The following KDM6A variants were observed in gnomAD, a reference collection of about 807,000 sequenced individuals.
KDM6A encodes the protein lysine-specific demethylase 6A.
Under a neutral mutation model 117.6 loss-of-function variants are expected in KDM6A, and 11 were observed. The ratio of observed to expected loss-of-function variants is 0.09; its 90% CI spans 0.06 to 0.15. The LOEUF is 0.15. KDM6A is among the 10% of genes least tolerant of loss of function. The pLI is 1.00. For synonymous variants in KDM6A, 384 were observed against 396.1 expected (o/e 0.97, Z 0.36); for missense variants, 799 against 1,077.3 (o/e 0.74, Z 3.62).
intron 3 of KDM6A, among the ~76,000 whole-genome samples, chrX:44,968,062 G>A (rs1287555684): frequency 8.9e-6 from 1 of 112,378 alleles, no homozygotes; most frequent in African/African-American, 3.2e-5. Context: ...TTTGGAAGGT[G>A]GAGGGTAGAA....
intron 2 of KDM6A, among the ~76,000 whole-genome samples, chrX:44,955,347 A>T (rs1294780931): frequency 1.8e-5 from 2 of 110,972 alleles, no homozygotes; most frequent in Non-Finnish European, 3.8e-5. Context: ...TATACAGGAG[A>T]ATAAAGGAGA....
chrX:44,910,744 A>C (rs925243807), intron 2 of KDM6A, among the ~76,000 whole-genome samples: 3 of 110,447 alleles, frequency 2.7e-5, no homozygotes, highest in African/African-American at 9.9e-5. Flanking sequence ...AACAAAGCAC[A>C]TCTTGCACCG....
At chrX:44,963,495 CTGTCTCTG>C (rs1311734160) in intron 3 of KDM6A, among the ~76,000 whole-genome samples, 3 of 38,396 alleles carry the variant, frequency 7.8e-5, no homozygotes, top group Admixed American at 7.6e-4. Context: ...GTCTGTCTGT[CTGTCTCTG>C]TCTGTCTGTC....
chrX:45,061,650 C>G (rs1055351488), intron 15 of KDM6A, among the ~76,000 whole-genome samples: 15 of 108,333 alleles, frequency 1.4e-4, no homozygotes, highest in African/African-American at 4.4e-4. Flanking sequence ...CACCATCACA[C>G]CCCGCTAATT....
rs766099272 is a variant in KDM6A at position 44,881,845 on chromosome X, G to A, written c.225+7858G>A. ...TGACATTACAGGTGTGCACCACCAC[G>A]CCTAGCTAATTTTTGTATTATTAGT... On this transcript the variant is annotated intron_variant, in intron 2 of 29. Transcript: ENST00000611820. Among the ~76,000 whole-genome samples, 11 of 109,950 alleles carry A rather than the reference G, an allele frequency of 1.0e-4. No homozygotes were observed. In the South Asian group the frequency reaches 4.3e-3, roughly 43 times the overall value.
Position 44,882,705 on chromosome X carries a change from G to C in KDM6A, c.225+8718G>C, listed in dbSNP as rs1240948433. Among the ~76,000 whole-genome samples the C allele has an allele frequency of 4.5e-5, 5 of 111,736 alleles. No homozygotes were observed. In the East Asian group the frequency reaches 1.1e-3, roughly 25 times the overall value. Reference sequence around the variant, plus strand: ...ATACAGTAGTTAAATAAATATTTTAGGTTTCTGAATTTCAAATATCAGAAT... The same window carrying C: ...ATACAGTAGTTAAATAAATATTTTACGTTTCTGAATTTCAAATATCAGAAT... On this transcript the variant is annotated intron_variant, in intron 2 of 29. Transcript: ENST00000611820.
intron 21 of KDM6A, among the ~76,000 whole-genome samples, chrX:45,081,647 C>G (rs1018500528): frequency 8.9e-6 from 1 of 112,010 alleles, no homozygotes; most frequent in African/African-American, 3.2e-5. Flanking sequence ...CTAGGCCTTT[C>G]AGCTTTCCTC....
intron 2 of KDM6A, among the ~76,000 whole-genome samples, chrX:44,913,424 G>A (rs767266762): frequency 3.8e-5 from 4 of 105,991 alleles, no homozygotes; most frequent in East Asian, 3.0e-4. Context: ...TCAGCCTCCC[G>A]AGTAAATGAG....
At chrX:45,008,419 A>G (rs2041607305) in intron 4 of KDM6A, among the ~76,000 whole-genome samples, 1 of 111,575 alleles carries the variant, frequency 9.0e-6, no homozygotes, top group Non-Finnish European at 1.9e-5. Context: ...TCATATTTCT[A>G]TAGTACGCTC....
At chrX:45,054,847 C>G (rs1022804997) in intron 10 of KDM6A, among the ~76,000 whole-genome samples, 12 of 111,656 alleles carry the variant, frequency 1.1e-4, no homozygotes, top group African/African-American at 3.3e-4. Flanking sequence ...CAGGGGCAGG[C>G]TATTTTGCCA....
Position 45,112,576 on chromosome X carries a change from C to G in KDM6A, c.*1165C>G, listed in dbSNP as rs1435654680. The G allele has an allele frequency of 7.6e-6, 1 of 131,994 alleles. No individual in the cohort carries two copies. The highest frequency in any genetic ancestry group is 3.2e-5 in the African/African-American group (1 of 31,313). The allele number at this position is 131,994 out of a possible 1,213,427, so 10.9% of individuals were successfully genotyped here. The stretch of plus-strand genomic sequence containing the variant: ...TGTTAAGTTGCAATTACTGCAATGA[C>G]AGACCAATAAACAATTGCTGCCAAA... On this transcript the variant is annotated 3_prime_UTR_variant, in exon 30 of 30. Transcript: ENST00000611820.
In KDM6A at chrX:45,069,905, T is replaced by C. The variant is rs1442852237; in HGVS notation, c.2406T>C (p.His802=). The C allele has an allele frequency of 1.7e-6, 2 of 1,211,169 alleles. No individual in the cohort carries two copies. Among genetic ancestry groups the C allele is most frequent in the Middle Eastern group, 2.3e-4 (1 of 4,347 alleles). The change falls in exon 18 of 30, where the codon CAT becomes CAC. Residue 802 remains histidine, a synonymous_variant. Transcript: ENST00000611820. ...CCAGTGTCGAGGGACTTCCTAATCA[T>C]GTCCATCAGATGACGGCAGATGCTG... is the stretch of plus-strand genomic sequence containing the variant. ...STASVEGLPN[H]VHQMTADAVC...
chrX:45,078,606 T>C, intron 20 of KDM6A, 101 bp downstream of exon 20: 1 of 647,185 alleles, frequency 1.5e-6, no homozygotes, highest in Non-Finnish European at 2.3e-6. Flanking sequence ...TCTTTTTTCT[T>C]TTTTTTTCTT....
At chrX:44,956,072 T>C (rs1193401631) in intron 2 of KDM6A, among the ~76,000 whole-genome samples, 1 of 111,959 alleles carries the variant, frequency 8.9e-6, no homozygotes, top group Non-Finnish European at 1.9e-5. Context: ...ATTGGCACTA[T>C]CCAAAGTGCA....
chrX:45,008,201 C>T (rs183362128), intron 4 of KDM6A, among the ~76,000 whole-genome samples: 2 of 109,837 alleles, frequency 1.8e-5, no homozygotes, highest in South Asian at 4.0e-4. Context: ...CAGAAATGCC[C>T]GTCTCTACTA....
intron 18 of KDM6A, among the ~76,000 whole-genome samples, chrX:45,074,167 C>G (rs1033546226): frequency 3.6e-5 from 4 of 111,589 alleles, no homozygotes; most frequent in African/African-American, 1.3e-4. Flanking sequence ...TCAGGTTTGT[C>G]AAAGATCAGA....
chrX:44,907,415 T>G (rs2034757013), intron 2 of KDM6A, among the ~76,000 whole-genome samples: 1 of 108,586 alleles, frequency 9.2e-6, no homozygotes, highest in African/African-American at 3.4e-5. Flanking sequence ...GTAGCTGGGA[T>G]TACAGGCGTG....
At chrX:44,941,115 A>G (rs1041241624) in intron 2 of KDM6A, among the ~76,000 whole-genome samples, 2 of 112,102 alleles carry the variant, frequency 1.8e-5, no homozygotes, top group East Asian at 5.6e-4. Context: ...TATTGAGGAT[A>G]TTATTAAATG....
chrX:45,066,806 T>C (rs905267724), intron 17 of KDM6A, among the ~76,000 whole-genome samples: 1 of 112,171 alleles, frequency 8.9e-6, no homozygotes, highest in Non-Finnish European at 1.9e-5. Flanking sequence ...AAGGAACTCC[T>C]CAGTTGGCAG....
Sources: allele counts gnomAD v4.1 joint callset (sites outside exome capture counted in the v4.1 genomes callset), GRCh38; gene constraint gnomAD v4.1.1; transcripts MANE v1.5; gene names NCBI Gene and HGNC (gene_info 2026-07-23, HGNC 2026-07-21).